The following NUMB variants were observed in gnomAD, a reference collection of about 807,000 sequenced individuals.
The protein encoded by NUMB is protein numb homolog.
Under a neutral mutation model 59.7 loss-of-function variants are expected in NUMB, and 29 were observed. The observed-to-expected ratio is 0.49, with a 90% CI of 0.36 to 0.66. NUMB has a LOEUF of 0.66. Ranked by LOEUF, NUMB falls within the 30% of genes least tolerant of loss-of-function variation. The pLI is 0.00. For missense variants in NUMB, 723 were observed against 822.0 expected, an observed-to-expected ratio of 0.88 and a Z score of 1.47; for synonymous variants, 288 against 288.2, an observed-to-expected ratio of 1.00 and a Z score of 0.01.
chr14:73,333,957 C>T (rs776186334), intron 4 of NUMB, among the ~76,000 whole-genome samples: 1 of 151,904 alleles, frequency 6.6e-6, no homozygotes, highest in South Asian at 2.1e-4. Context: ...CTCCACCTCC[C>T]GGGATCAGGC....
intron 1 of NUMB, among the ~76,000 whole-genome samples, chr14:73,443,069 C>G (rs1176144685): frequency 6.6e-6 from 1 of 152,054 alleles, no homozygotes; most frequent in African/African-American, 2.4e-5. Flanking sequence ...ACCATGATGA[C>G]CAGACTGATA....
At chr14:73,283,962 T>C (rs1186895659) in intron 10 of NUMB, 119 bp downstream of exon 10, 1 of 939,932 alleles carries the variant, frequency 1.1e-6, no homozygotes, top group East Asian at 2.5e-5. Flanking sequence ...AAGATACAAC[T>C]ATCAACGAAC....
chr14:73,436,752 G>A (rs1172134335), intron 1 of NUMB, among the ~76,000 whole-genome samples: 10 of 151,660 alleles, frequency 6.6e-5, no homozygotes, highest in African/African-American at 1.9e-4. Context: ...AGGCTGAGGC[G>A]GGCGGATCAC....
intron 3 of NUMB, among the ~76,000 whole-genome samples, chr14:73,356,035 T>C (rs777866499): frequency 1.3e-5 from 2 of 152,184 alleles, no homozygotes; most frequent in Non-Finnish European, 2.9e-5. Flanking sequence ...CAATAACTTC[T>C]AGTAGGATTT....
intron 2 of NUMB, among the ~76,000 whole-genome samples, chr14:73,368,272 A>G (rs1894475229): frequency 6.6e-6 from 1 of 152,164 alleles, no homozygotes; most frequent in Admixed American, 6.6e-5. Context: ...ATGGTATTCA[A>G]GGTTAGAAAC....
intron 5 of NUMB, among the ~76,000 whole-genome samples, chr14:73,320,075 T>G (rs186100185): frequency 5.9e-5 from 9 of 152,058 alleles, no homozygotes; most frequent in African/African-American, 2.2e-4. Context: ...GAGGTTGCAG[T>G]GAGCCAAGAT....
intron 2 of NUMB, among the ~76,000 whole-genome samples, chr14:73,405,778 G>A (rs1896630582): frequency 7.1e-6 from 1 of 141,296 alleles, no homozygotes; most frequent in Admixed American, 7.8e-5. Flanking sequence ...GACAAACTCT[G>A]TTGTTTTGGG....
chr14:73,389,301 A>AAAAAAAAAAAAAAAAAAC, intron 2 of NUMB, among the ~76,000 whole-genome samples: 3 of 137,332 alleles, frequency 2.2e-5, no homozygotes, highest in African/African-American at 8.0e-5. Context: ...AAACAAAAAC[A>AAAAAAAAAAAAAAAAAAC]AAAACACTGG....
chr14:73,352,701 A>ATT (rs71112736), intron 4 of NUMB, among the ~76,000 whole-genome samples: 64 of 132,132 alleles, frequency 4.8e-4, no homozygotes, highest in South Asian at 9.9e-4. Context: ...CGTCCAGCTA[A>ATT]TTTTTTTTTT....
intron 1 of NUMB, among the ~76,000 whole-genome samples, chr14:73,410,463 C>T (rs558369160): frequency 2.6e-5 from 4 of 152,202 alleles, no homozygotes; most frequent in South Asian, 2.1e-4. Context: ...AACTTTGATA[C>T]GTCTCTATGG....
intron 1 of NUMB, among the ~76,000 whole-genome samples, chr14:73,435,946 C>A (rs1898035127): frequency 6.7e-6 from 1 of 150,052 alleles, no homozygotes; most frequent in Admixed American, 6.7e-5. Flanking sequence ...GTGGAGGTTG[C>A]AGTGAGCCAA....
chr14:73,285,925 CA>C (rs372649591), intron 9 of NUMB, among the ~76,000 whole-genome samples: 3,666 of 108,906 alleles, frequency 0.034, 125 homozygotes, highest in African/African-American at 0.1. Context: ...CACTCTGTCT[CA>C]AAAAAAAAAA....
intron 2 of NUMB, among the ~76,000 whole-genome samples, chr14:73,380,742 T>TC (rs1895193002): frequency 4.0e-5 from 6 of 151,162 alleles, no homozygotes; most frequent in Non-Finnish European, 8.9e-5. Context: ...TTTTTTTTTT[T>TC]GAGACAGAGT....
chr14:73,347,311 T>A (rs1035913961), intron 4 of NUMB, among the ~76,000 whole-genome samples: 2 of 152,198 alleles, frequency 1.3e-5, no homozygotes, highest in African/African-American at 4.8e-5. Flanking sequence ...TATATTTATA[T>A]AAGAAACTGT....
At chr14:73,407,288 CA>C (rs1415781292) in intron 2 of NUMB, among the ~76,000 whole-genome samples, 1 of 152,018 alleles carries the variant, frequency 6.6e-6, no homozygotes. Flanking sequence ...CCCATTTCTA[CA>C]AAAAATACAA....
At chr14:73,288,407 C>T (rs572336644) in intron 8 of NUMB, among the ~76,000 whole-genome samples, 2 of 151,476 alleles carry the variant, frequency 1.3e-5, no homozygotes, top group African/African-American at 4.9e-5. Context: ...AAAAATTAGC[C>T]GGATGTGGTG....
intron 2 of NUMB, among the ~76,000 whole-genome samples, chr14:73,381,398 AAG>A (rs1396549699): frequency 2.0e-5 from 3 of 152,222 alleles, no homozygotes; most frequent in African/African-American, 7.2e-5. Flanking sequence ...ATGGCTTATA[AAG>A]CTTGAAACGA....
At chr14:73,323,269 A>C in intron 4 of NUMB, 65 bp from the exon 5 acceptor site, 1 of 1,108,484 alleles carries the variant, frequency 9.0e-7, no homozygotes. Flanking sequence ...TACAGTAAGC[A>C]TTAGGTGAAA....
chr14:73,430,510 T>C (rs187093167), intron 1 of NUMB, among the ~76,000 whole-genome samples: 96 of 152,088 alleles, frequency 6.3e-4, no homozygotes, highest in Admixed American at 4.4e-3. Context: ...GGTACATGCC[T>C]GCAGTCCCAG....
Sources: allele counts gnomAD v4.1 joint callset (sites outside exome capture counted in the v4.1 genomes callset), GRCh38; gene constraint gnomAD v4.1.1; transcripts MANE v1.5; gene names NCBI Gene and HGNC (gene_info 2026-07-23, HGNC 2026-07-21).